SLK: variants seen among roughly 807,000 people sequenced by gnomAD.
SLK encodes the protein STE20-like serine/threonine-protein kinase.
A neutral mutation model predicts 147.7 loss-of-function variants in SLK; 67 were observed. That is an observed-to-expected ratio of 0.45 (90% confidence interval 0.37 to 0.56). SLK has a LOEUF of 0.56. Among genes scored for constraint, SLK ranks in the 20% least tolerant of loss-of-function variants. The pLI is 0.00. For synonymous variants in SLK, 441 were observed against 475.0 expected, an observed-to-expected ratio of 0.93 and a Z score of 0.93; for missense variants, 1,136 against 1,438.8, an observed-to-expected ratio of 0.79 and a Z score of 3.41.
chr10:103,971,580 G>A (rs9988675), intron 1 of SLK, among the ~76,000 whole-genome samples: 122,437 of 152,192 alleles, frequency 0.8, 49,410 homozygotes, highest in East Asian at 0.9. Flanking sequence ...CCCCCTGCTG[G>A]ATTTCTCTTG....
intron 7 of SLK, 131 bp from the exon 8 acceptor site, chr10:104,001,313 C>G (rs2134494987): frequency 1.4e-6 from 1 of 690,542 alleles, no homozygotes; most frequent in African/African-American, 1.8e-5. Context: ...GTAGCATTAT[C>G]TGAAGTTTTC....
intron 1 of SLK, among the ~76,000 whole-genome samples, chr10:103,981,315 T>C (rs1400481025): frequency 6.6e-6 from 1 of 152,142 alleles, no homozygotes; most frequent in Non-Finnish European, 1.5e-5. Flanking sequence ...TACTGTAATA[T>C]TGTCTTTTAA....
At position 104,027,383 on chromosome 10, in the gene SLK, A is replaced by G. The variant is rs1432487081; in HGVS notation, c.*1663A>G. 6.6e-6 allele frequency: 1 copy of G among 152,502 alleles called. No individual in the cohort carries two copies. Among genetic ancestry groups the G allele is most frequent in the Non-Finnish European group, 1.5e-5 (1 of 68,000 alleles). 9.4% of individuals were successfully genotyped at this position (152,502 alleles called of 1,614,324 possible). The stretch of plus-strand genomic sequence containing the variant: ...TTTTTATATAAATATATATACATAT[A>G]TACATATTATGTATGGTTGTAAATT... On this transcript the variant is annotated 3_prime_UTR_variant, in exon 19 of 19. Transcript: ENST00000369755.
At chr10:104,012,298 T>C (rs1207656164) in intron 13 of SLK, among the ~76,000 whole-genome samples, 1 of 152,092 alleles carries the variant, frequency 6.6e-6, no homozygotes, top group Non-Finnish European at 1.5e-5. Context: ...TTTAACACCA[T>C]GAAAAATAAG....
At position 104,002,215 on chromosome 10, in the gene SLK, C is replaced by G; in HGVS notation, c.1037C>G (p.Ala346Gly). 2.5e-6 allele frequency: 4 copies of G among 1,604,858 alleles called. No individual in the cohort carries two copies. Among genetic ancestry groups the G allele is most frequent in the Non-Finnish European group, 3.4e-6 (4 of 1,175,184 alleles). Residue 346 changes from alanine to glycine, a missense_variant, in exon 9 of 19, where the codon GCC becomes GGC. Physicochemically the swap from Ala to Gly is moderately conservative, Grantham distance 60 (BLOSUM62 0). Transcript: ENST00000369755. ...CGTGCATCTTCTGACCTTAGTATCG[C>G]CAGCTCTGAAGAAGATAAACTTTCA... ...SKRASSDLSIASSEEDKLSQN... is the reference protein window; with the variant it reads ...SKRASSDLSIGSSEEDKLSQN...
intron 1 of SLK, among the ~76,000 whole-genome samples, chr10:103,987,405 T>A (rs933654867): frequency 3.3e-5 from 5 of 152,226 alleles, no homozygotes; most frequent in African/African-American, 1.2e-4. Flanking sequence ...TGTAGAACTG[T>A]ACTGCATGAT....
At position 104,028,457 on chromosome 10, in the gene SLK, C is replaced by A. The variant is rs1273666267; in HGVS notation, c.*2737C>A. 6.6e-6 allele frequency: 1 copy of A among 152,120 alleles called. No individual in the cohort carries two copies. Among genetic ancestry groups the A allele is most frequent in the Non-Finnish European group, 1.5e-5 (1 of 68,020 alleles). The allele number at this position is 152,120 out of a possible 1,614,324, so 9.4% of individuals were successfully genotyped here. On this transcript the variant is annotated 3_prime_UTR_variant, in exon 19 of 19. Coordinates refer to ENST00000369755, the MANE Select transcript of SLK (RefSeq NM_014720.4). ...GGAGTCACATTAAGCTTTTTCTTAT[C>A]TTTTTCTATGGGGAAGCTATAGGGT...
intron 1 of SLK, among the ~76,000 whole-genome samples, chr10:103,981,192 G>T (rs74840571): frequency 0.029 from 3,491 of 121,058 alleles, 72 homozygotes; most frequent in South Asian, 0.14. Flanking sequence ...GGTTTTTTTT[G>T]TTGTTGTTGT....
intron 1 of SLK, among the ~76,000 whole-genome samples, chr10:103,989,562 A>G (rs977456797): frequency 7.2e-6 from 1 of 138,710 alleles, no homozygotes. Context: ...TCCACCTCCC[A>G]GGTTCATGCC....
chr10:103,993,978 T>G (rs1413856837), intron 4 of SLK, among the ~76,000 whole-genome samples: 2 of 152,108 alleles, frequency 1.3e-5, no homozygotes, highest in African/African-American at 4.8e-5. Context: ...TACTGCAGCC[T>G]TGAACCCCTG....
chr10:103,996,499 C>T (rs1201099305), intron 4 of SLK, among the ~76,000 whole-genome samples: 1 of 150,674 alleles, frequency 6.6e-6, no homozygotes, highest in Non-Finnish European at 1.5e-5. Flanking sequence ...CCCGGGTTCA[C>T]GCCATTCTCC....
At chr10:103,979,136 C>T (rs193197702) in intron 1 of SLK, among the ~76,000 whole-genome samples, 1 of 152,288 alleles carries the variant, frequency 6.6e-6, no homozygotes, top group Admixed American at 6.5e-5. Context: ...ATGCCTCAGC[C>T]TCTGGAGTAG....
rs1306237701 is a variant in SLK, at chr10:104,027,120, T to C, written c.*1400T>C. 1 of 152,388 alleles carries C rather than the reference T, an allele frequency of 6.6e-6. No homozygotes were observed. The highest frequency in any genetic ancestry group is 1.9e-4 in the East Asian group (1 of 5,204). 9.4% of individuals were successfully genotyped at this position (152,388 alleles called of 1,614,324 possible). A position where few individuals can be genotyped will look rare whatever the true frequency, so the allele number is the denominator to read the frequency against. On this transcript the variant is annotated 3_prime_UTR_variant, in exon 19 of 19. Coordinates refer to ENST00000369755, the MANE Select transcript of SLK (RefSeq NM_014720.4). ...AAGTTTGTTTTCAGTTATATTACTTTTGAGGCTGGTGAAAAATTTAAATGT... is the reference window on the plus strand; with the variant it reads ...AAGTTTGTTTTCAGTTATATTACTTCTGAGGCTGGTGAAAAATTTAAATGT...
intron 2 of SLK, 85 bp from the exon 3 acceptor site, chr10:103,992,513 T>C (rs1376248518): frequency 1.6e-6 from 2 of 1,246,836 alleles, no homozygotes; most frequent in African/African-American, 3.1e-5. Flanking sequence ...TCTTTATCTT[T>C]TTTGCTAAGC....
chr10:103,971,766 C>A (rs1471250972), intron 1 of SLK, among the ~76,000 whole-genome samples: 1 of 152,202 alleles, frequency 6.6e-6, no homozygotes, highest in East Asian at 1.9e-4. Flanking sequence ...AATATATAAT[C>A]TTTGTATTAA....
chr10:103,970,111 C>T (rs1165464115), intron 1 of SLK, among the ~76,000 whole-genome samples: 1 of 152,172 alleles, frequency 6.6e-6, no homozygotes, highest in Non-Finnish European at 1.5e-5. Context: ...ATAAGACATC[C>T]TCAGTGTGAG....
chr10:103,979,171 A>G (rs567997735), intron 1 of SLK, among the ~76,000 whole-genome samples: 1 of 152,184 alleles, frequency 6.6e-6, no homozygotes, highest in African/African-American at 2.4e-5. Flanking sequence ...GCCCGCCACC[A>G]CACCCAGCTA....
At chr10:104,010,356 T>A (rs1453593060) in intron 12 of SLK, among the ~76,000 whole-genome samples, 2 of 152,218 alleles carry the variant, frequency 1.3e-5, no homozygotes. Context: ...AGATTTTATT[T>A]AGCATTATTT....
rs201235436 is a variant in SLK at position 103,967,903 on chromosome 10, G to A, written c.150+8G>A. On this transcript the variant is annotated splice_region_variant and intron_variant, in intron 1 of 18. Transcript: ENST00000369755. The stretch of plus-strand genomic sequence containing the variant: ...TTTGGGAAAGTGTACAAGGTAAGAG[G>A]GGGAAAACGGGAAGTTGTACTGCGA... 2.0e-4 allele frequency: 329 copies of A among 1,612,320 alleles called. 1 individual carries two copies. The African/African-American group carries it at 4.0e-3, about 20-fold the overall frequency.
Sources: allele counts gnomAD v4.1 joint callset (sites outside exome capture counted in the v4.1 genomes callset), GRCh38; gene constraint gnomAD v4.1.1; transcripts MANE v1.5; gene names NCBI Gene and HGNC (gene_info 2026-07-23, HGNC 2026-07-21).